The following SEMA6D variants were observed in gnomAD, a reference collection of about 807,000 sequenced individuals.
SEMA6D encodes the protein semaphorin 6D, also known as semaphorin-6D.
In SEMA6D, 35 loss-of-function variants were observed where a neutral mutation model predicts 106.6. The ratio of observed to expected loss-of-function variants is 0.33; its 90% CI spans 0.25 to 0.44. The LOEUF (loss-of-function observed/expected upper bound fraction) is 0.44, where lower values mean the gene tolerates loss of function less well. Among genes scored for constraint, SEMA6D ranks in the 20% least tolerant of loss-of-function variants. The pLI, the probability that SEMA6D is intolerant of heterozygous loss-of-function variation, is 1.00. For missense variants in SEMA6D, 1,185 were observed against 1,345.9 expected, an observed-to-expected ratio of 0.88 and a Z score of 1.87; for synonymous variants, 499 against 487.7, an observed-to-expected ratio of 1.02 and a Z score of -0.31.
chr15:47,627,688 A>G (rs1432541415), intron 4 of SEMA6D, among the ~76,000 whole-genome samples: 1 of 152,134 alleles, frequency 6.6e-6, no homozygotes, highest in Non-Finnish European at 1.5e-5. Flanking sequence ...GTGTAGAGAT[A>G]TCTCCTGTAC....
intron 3 of SEMA6D, among the ~76,000 whole-genome samples, chr15:47,474,173 C>G (rs1405448341): frequency 6.6e-6 from 1 of 152,124 alleles, no homozygotes; most frequent in African/African-American, 2.4e-5. Context: ...TGTCGCCTTG[C>G]TTTTGGACTC....
At chr15:47,495,606 C>T (rs910114995) in intron 3 of SEMA6D, among the ~76,000 whole-genome samples, 1 of 151,822 alleles carries the variant, frequency 6.6e-6, no homozygotes, top group Admixed American at 6.6e-5. Flanking sequence ...ACTTCTAGTC[C>T]GAATGTGTGT....
intron 4 of SEMA6D, among the ~76,000 whole-genome samples, chr15:47,610,972 A>T (rs138905453): frequency 6.6e-6 from 1 of 152,200 alleles, no homozygotes; most frequent in Non-Finnish European, 1.5e-5. Flanking sequence ...TGCTCAGAGC[A>T]TATGTCTTTA....
At chr15:47,737,983 C>T (rs1223597320) in intron 1 of SEMA6D, among the ~76,000 whole-genome samples, 1 of 151,550 alleles carries the variant, frequency 6.6e-6, no homozygotes, top group Non-Finnish European at 1.5e-5. Flanking sequence ...AAAGTTGTGT[C>T]TCCTTCGTAA....
chr15:47,616,732 AG>A (rs1169092870), intron 4 of SEMA6D, among the ~76,000 whole-genome samples: 1 of 152,158 alleles, frequency 6.6e-6, no homozygotes, highest in Non-Finnish European at 1.5e-5. Context: ...ATGATGGAAA[AG>A]TAGATGTTGG....
At chr15:47,326,279 A>G (rs921147026) in intron 1 of SEMA6D, among the ~76,000 whole-genome samples, 1 of 152,212 alleles carries the variant, frequency 6.6e-6, no homozygotes, top group Non-Finnish European at 1.5e-5. Context: ...AATAAATGCT[A>G]TTTTATTTTA....
intron 4 of SEMA6D, among the ~76,000 whole-genome samples, chr15:47,689,422 T>G (rs2078537652): frequency 6.6e-6 from 1 of 152,238 alleles, no homozygotes. Flanking sequence ...ACCAATGAGA[T>G]GGCAATATCC....
Position 47,500,965 on chromosome 15 carries a change from C to T in SEMA6D, c.-87+30420C>T, listed in dbSNP as rs1041235267. The stretch of plus-strand genomic sequence containing the variant: ...TTTCTTCACCTGTGAAACAGGTATG[C>T]TATTTTGTATAAATAATTCTGGTTA... On this transcript the variant is annotated intron_variant, in intron 3 of 19. Coordinates refer to the SEMA6D transcript ENST00000558014. 2.0e-5 allele frequency among the ~76,000 whole-genome samples: 3 copies of T among 152,062 alleles called. No homozygotes were observed. The South Asian group carries it at 6.2e-4, about 32-fold the overall frequency.
At chr15:47,377,751 T>A (rs1595865216) in intron 1 of SEMA6D, among the ~76,000 whole-genome samples, 1 of 152,106 alleles carries the variant, frequency 6.6e-6, no homozygotes, top group Non-Finnish European at 1.5e-5. Flanking sequence ...ATCTTATAGG[T>A]GGCCTCTAGT....
At chr15:47,639,394 A>T (rs2077449652) in intron 4 of SEMA6D, among the ~76,000 whole-genome samples, 1 of 152,226 alleles carries the variant, frequency 6.6e-6, no homozygotes, top group African/African-American at 2.4e-5. Context: ...CCATGCACTT[A>T]TACATAAAAT....
At chr15:47,528,860 A>G (rs889583325) in intron 3 of SEMA6D, among the ~76,000 whole-genome samples, 5 of 152,198 alleles carry the variant, frequency 3.3e-5, no homozygotes, top group South Asian at 2.1e-4. Flanking sequence ...GAAAGTTCAC[A>G]TATAACTGAC....
chr15:47,348,274 C>A (rs908846881), intron 1 of SEMA6D, among the ~76,000 whole-genome samples: 7 of 152,054 alleles, frequency 4.6e-5, no homozygotes, highest in African/African-American at 1.7e-4. Flanking sequence ...AGCAGTATGA[C>A]CCTGGAAAAG....
chr15:47,552,843 A>AATATATATAAATATATATATTTTAT lies in SEMA6D; in HGVS notation c.-86-48002_-86-48001insTTTATATATATATAAATATATATAT, dbSNP rs1566882655. 3.8e-3 allele frequency among the ~76,000 whole-genome samples: 301 copies of AATATATATAAATATATATATTTTAT among 79,082 alleles called. 13 individuals carry two copies. Among genetic ancestry groups the AATATATATAAATATATATATTTTAT allele is most frequent in the African/African-American group, 0.021 (290 of 13,742 alleles). 51.9% of individuals were successfully genotyped at this position (79,082 alleles called of 152,430 possible). ...ATATATATATTTTTATATATATATA[A>AATATATATAAATATATATATTTTAT]ATATATATAAATATATATATATTTT... is the stretch of plus-strand genomic sequence containing the variant. On this transcript the variant is annotated intron_variant, in intron 3 of 19. Coordinates refer to the SEMA6D transcript ENST00000558014.
intron 1 of SEMA6D, among the ~76,000 whole-genome samples, chr15:47,316,965 T>C (rs902446606): frequency 1.3e-5 from 2 of 152,234 alleles, no homozygotes; most frequent in Non-Finnish European, 2.9e-5. Context: ...CTCTAAGTTT[T>C]GAAAGAGATT....
intron 4 of SEMA6D, among the ~76,000 whole-genome samples, chr15:47,650,165 G>A (rs148784608): frequency 1.9e-4 from 29 of 152,280 alleles, no homozygotes; most frequent in African/African-American, 7.0e-4. Flanking sequence ...TAACTGACTT[G>A]TGCAAAGTTA....
intron 3 of SEMA6D, among the ~76,000 whole-genome samples, chr15:47,573,887 A>G (rs1473101977): frequency 1.3e-5 from 2 of 152,206 alleles, no homozygotes; most frequent in Non-Finnish European, 2.9e-5. Context: ...CATACATCTG[A>G]TTTCAACATA....
At chr15:47,695,337 A>G (rs1405579520) in intron 4 of SEMA6D, among the ~76,000 whole-genome samples, 1 of 152,170 alleles carries the variant, frequency 6.6e-6, no homozygotes, top group Non-Finnish European at 1.5e-5. Context: ...TTGTTTCCTA[A>G]TAGGTTATAG....
chr15:47,306,162 T>G (rs1331964694), intron 1 of SEMA6D, among the ~76,000 whole-genome samples: 1 of 151,860 alleles, frequency 6.6e-6, no homozygotes, highest in African/African-American at 2.4e-5. Context: ...TTTTGTATTT[T>G]TTAGTAGAGA....
intron 1 of SEMA6D, among the ~76,000 whole-genome samples, chr15:47,738,874 T>TGC (rs1409679825): frequency 6.6e-6 from 1 of 152,130 alleles, no homozygotes; most frequent in East Asian, 1.9e-4. Flanking sequence ...AGGTCTAAGG[T>TGC]GCTCATTCTC....
Sources: allele counts gnomAD v4.1 joint callset (sites outside exome capture counted in the v4.1 genomes callset), GRCh38; gene constraint gnomAD v4.1.1; transcripts MANE v1.5; gene names NCBI Gene and HGNC (gene_info 2026-07-23, HGNC 2026-07-21).